The following SPAG16 variants were observed in gnomAD, a reference collection of about 807,000 sequenced individuals.
SPAG16 encodes sperm-associated antigen 16 protein.
Under a neutral mutation model 80.4 loss-of-function variants are expected in SPAG16, and 86 were observed. The ratio of observed to expected loss-of-function variants is 1.07; its 90% CI spans 0.90 to 1.28. The LOEUF is 1.28. Ranked by LOEUF, SPAG16 falls within the 50% of genes most tolerant of loss-of-function variation. The pLI is 0.00. For missense variants in SPAG16, 870 were observed against 765.3 expected (o/e 1.14, Z -1.61); for synonymous variants, 294 against 265.9 (o/e 1.11, Z -1.03).
At chr2:213,396,402 T>A (rs2068035172) in intron 9 of SPAG16, among the ~76,000 whole-genome samples, 1 of 152,226 alleles carries the variant, frequency 6.6e-6, no homozygotes, top group South Asian at 2.1e-4. Flanking sequence ...CCCATGCAGA[T>A]CTTGTACATG....
At chr2:213,410,274 A>C (rs2068889436) in intron 9 of SPAG16, among the ~76,000 whole-genome samples, 1 of 152,312 alleles carries the variant, frequency 6.6e-6, no homozygotes, top group Middle Eastern at 3.4e-3. Context: ...TAAGCAAGTC[A>C]ATTTTGCCTC....
At chr2:213,436,961 G>T (rs2125510666) in intron 9 of SPAG16, among the ~76,000 whole-genome samples, 1 of 151,848 alleles carries the variant, frequency 6.6e-6, no homozygotes, top group African/African-American at 2.4e-5. Flanking sequence ...ACCCAGGCTG[G>T]AGTGCAGTGG....
chr2:213,603,564 GC>G (rs2061142518), intron 10 of SPAG16, among the ~76,000 whole-genome samples: 2 of 152,198 alleles, frequency 1.3e-5, no homozygotes, highest in South Asian at 4.2e-4. Flanking sequence ...TTAAAACTTT[GC>G]TTTTTACACT....
rs184571104 is a variant in SPAG16 at position 213,851,921 on chromosome 2, C to A, written c.1071-10564C>A. Among the ~76,000 whole-genome samples the A allele has an allele frequency of 3.3e-5, 5 of 152,310 alleles. No individual in the cohort carries two copies. The East Asian group carries it at 5.8e-4, about 18-fold the overall frequency. On this transcript the variant is annotated intron_variant, in intron 10 of 15. Coordinates refer to ENST00000331683, the MANE Select transcript of SPAG16 (RefSeq NM_024532.5). ...AAGTCCTGCTCTGCTTTGAAGAAAA[C>A]CTATAATTTCACAATATTTAAAACT... is the stretch of plus-strand genomic sequence containing the variant.
chr2:213,292,435 C>A (rs867012040), intron 1 of SPAG16, among the ~76,000 whole-genome samples: 4 of 151,752 alleles, frequency 2.6e-5, no homozygotes, highest in Non-Finnish European at 4.4e-5. Flanking sequence ...GAGGCCGAGG[C>A]GGGCGGATCA....
chr2:213,449,680 A>G (rs887259870), intron 9 of SPAG16, among the ~76,000 whole-genome samples: 4 of 152,214 alleles, frequency 2.6e-5, no homozygotes, highest in African/African-American at 9.6e-5. Flanking sequence ...AAAACTACCT[A>G]TTAGGTACTA....
chr2:213,905,177 A>T (rs931399625), intron 11 of SPAG16, among the ~76,000 whole-genome samples: 3 of 152,242 alleles, frequency 2.0e-5, no homozygotes, highest in South Asian at 2.1e-4. Flanking sequence ...AAGACATATG[A>T]TTTTTACAGT....
At chr2:213,833,070 C>T (rs114510500) in intron 10 of SPAG16, among the ~76,000 whole-genome samples, 1,990 of 151,964 alleles carry the variant, frequency 0.013, 17 homozygotes, top group Middle Eastern at 0.024. Context: ...TTTTTCATAT[C>T]GCTGTGTTCT....
intron 10 of SPAG16, among the ~76,000 whole-genome samples, chr2:213,687,451 G>T (rs768042517): frequency 3.3e-5 from 5 of 152,152 alleles, no homozygotes; most frequent in African/African-American, 4.8e-5. Flanking sequence ...TGTGGGGTTT[G>T]CTGGTGAAAA....
At chr2:213,496,770 A>T (rs777486290) in intron 10 of SPAG16, among the ~76,000 whole-genome samples, 1 of 150,992 alleles carries the variant, frequency 6.6e-6, no homozygotes, top group Non-Finnish European at 1.5e-5. Context: ...AAACTATATT[A>T]ATTAAATTAT....
intron 8 of SPAG16, among the ~76,000 whole-genome samples, chr2:213,365,685 T>C (rs1480008578): frequency 6.6e-6 from 1 of 151,868 alleles, no homozygotes; most frequent in East Asian, 2.0e-4. Flanking sequence ...CTTGAACTCC[T>C]GTCTTGAAGT....
intron 14 of SPAG16, among the ~76,000 whole-genome samples, chr2:214,125,543 A>C (rs1253590415): frequency 6.6e-6 from 1 of 151,758 alleles, no homozygotes; most frequent in African/African-American, 2.4e-5. Context: ...CTAAGAAAAA[A>C]TAAGGCTAGC....
chr2:213,822,597 T>C (rs2125696711), intron 10 of SPAG16, among the ~76,000 whole-genome samples: 1 of 152,298 alleles, frequency 6.6e-6, no homozygotes, highest in Non-Finnish European at 1.5e-5. Context: ...ACTTTAGACA[T>C]CTCTTTTTTC....
At chr2:213,493,462 T>A (rs1234402109) in intron 10 of SPAG16, among the ~76,000 whole-genome samples, 1 of 152,218 alleles carries the variant, frequency 6.6e-6, no homozygotes, top group Non-Finnish European at 1.5e-5. Context: ...ATTAAATTAG[T>A]TTAGAGAGTT....
chr2:213,610,502 T>G (rs2061408198), intron 10 of SPAG16, among the ~76,000 whole-genome samples: 1 of 152,178 alleles, frequency 6.6e-6, no homozygotes, highest in Non-Finnish European at 1.5e-5. Flanking sequence ...TCCCATAACC[T>G]TTTTATCACC....
chr2:213,924,192 G>C (rs761434071), intron 11 of SPAG16, among the ~76,000 whole-genome samples: 1 of 152,188 alleles, frequency 6.6e-6, no homozygotes, highest in Non-Finnish European at 1.5e-5. Context: ...ACTGGTGCTG[G>C]TCTGCTCTGG....
intron 5 of SPAG16, among the ~76,000 whole-genome samples, chr2:213,336,411 C>T (rs1022583252): frequency 6.6e-6 from 1 of 152,234 alleles, no homozygotes; most frequent in African/African-American, 2.4e-5. Flanking sequence ...TCCACAGAAC[C>T]CCACAAGCTA....
At chr2:214,322,445 C>T (rs1483403552) in intron 15 of SPAG16, among the ~76,000 whole-genome samples, 1 of 150,140 alleles carries the variant, frequency 6.7e-6, no homozygotes, top group Non-Finnish European at 1.5e-5. Flanking sequence ...ATAAAATTGC[C>T]TTAATTGGAC....
At chr2:213,882,445 C>T (rs2076380318) in intron 11 of SPAG16, among the ~76,000 whole-genome samples, 1 of 152,042 alleles carries the variant, frequency 6.6e-6, no homozygotes, top group African/African-American at 2.4e-5. Context: ...ATAACTTATC[C>T]ATGGCTTTTT....
Sources: allele counts gnomAD v4.1 joint callset (sites outside exome capture counted in the v4.1 genomes callset), GRCh38; gene constraint gnomAD v4.1.1; transcripts MANE v1.5; gene names NCBI Gene and HGNC (gene_info 2026-07-23, HGNC 2026-07-21).